RBFOX1: variants seen among roughly 807,000 people sequenced by gnomAD.
RBFOX1 encodes the protein RNA binding protein fox-1 homolog 1.
Under a neutral mutation model 57.7 loss-of-function variants are expected in RBFOX1, and 8 were observed. That is an observed-to-expected ratio of 0.14 (90% CI 0.08 to 0.25). The LOEUF is 0.25. Ranked by LOEUF, RBFOX1 falls within the 10% of genes least tolerant of loss-of-function variation. RBFOX1 has a pLI of 1.00. For missense variants in RBFOX1, 611 were observed against 548.5 expected, an observed-to-expected ratio of 1.11 and a Z score of -1.14; for synonymous variants, 326 against 222.4, an observed-to-expected ratio of 1.47 and a Z score of -4.15.
At chr16:5,313,821 T>TA (rs1287254200) in intron 1 of RBFOX1, among the ~76,000 whole-genome samples, 8 of 151,298 alleles carry the variant, frequency 5.3e-5, no homozygotes, top group African/African-American at 1.9e-4. Flanking sequence ...TGGTGGGAAT[T>TA]ACAATCAAAG....
At chr16:5,818,774 T>C (rs1261925543) in intron 3 of RBFOX1, among the ~76,000 whole-genome samples, 1 of 152,130 alleles carries the variant, frequency 6.6e-6, no homozygotes, top group African/African-American at 2.4e-5. Context: ...AGCTAATGTC[T>C]CCCCTGAGCA....
At chr16:7,094,601 C>T (rs1044695508) in intron 4 of RBFOX1, among the ~76,000 whole-genome samples, 1 of 149,380 alleles carries the variant, frequency 6.7e-6, no homozygotes, top group African/African-American at 2.5e-5. Context: ...GTTCCCTTGA[C>T]TTGGGGACTC....
At chr16:6,484,125 A>G (rs1037699265) in intron 2 of RBFOX1, among the ~76,000 whole-genome samples, 2 of 152,154 alleles carry the variant, frequency 1.3e-5, no homozygotes, top group Non-Finnish European at 2.9e-5. Flanking sequence ...GTTTAACTTT[A>G]TTCCCAGAGA....
intron 3 of RBFOX1, among the ~76,000 whole-genome samples, chr16:5,818,441 C>G (rs762629543): frequency 6.6e-6 from 1 of 152,184 alleles, no homozygotes; most frequent in Non-Finnish European, 1.5e-5. Flanking sequence ...GAACAGAGAG[C>G]TCTGCCTTTC....
At chr16:6,265,362 A>C (rs1426761250) in intron 1 of RBFOX1, among the ~76,000 whole-genome samples, 3 of 152,024 alleles carry the variant, frequency 2.0e-5, no homozygotes, top group Non-Finnish European at 4.4e-5. Flanking sequence ...CCCAAGTTCA[A>C]GTGATTCTCC....
chr16:7,346,227 T>C (rs566543988), intron 4 of RBFOX1, among the ~76,000 whole-genome samples: 46 of 152,158 alleles, frequency 3.0e-4, no homozygotes, highest in Middle Eastern at 3.4e-3. Context: ...CAGTCTGTCA[T>C]TGATGGACAT....
At chr16:6,525,850 G>C (rs955284209) in intron 2 of RBFOX1, among the ~76,000 whole-genome samples, 1 of 152,024 alleles carries the variant, frequency 6.6e-6, no homozygotes, top group African/African-American at 2.4e-5. Context: ...TCACAACTAA[G>C]TTTGAACACA....
chr16:6,225,491 T>G (rs998360408), intron 1 of RBFOX1, among the ~76,000 whole-genome samples: 1 of 152,154 alleles, frequency 6.6e-6, no homozygotes, highest in African/African-American at 2.4e-5. Context: ...TGTAAGAGAT[T>G]TTTATATTAG....
At chr16:6,304,677 G>A (rs1314685050) in intron 1 of RBFOX1, among the ~76,000 whole-genome samples, 8 of 152,000 alleles carry the variant, frequency 5.3e-5, no homozygotes, top group Non-Finnish European at 1.2e-4. Context: ...GATGCCAGGA[G>A]TTCAAGACCA....
At chr16:6,275,310 CA>C (rs35445600) in intron 1 of RBFOX1, among the ~76,000 whole-genome samples, 142,499 of 147,910 alleles carry the variant, frequency 0.96, 68,814 homozygotes, top group East Asian at 1. Context: ...GACTCCATCT[CA>C]AAAAAAAAAA....
intron 4 of RBFOX1, among the ~76,000 whole-genome samples, chr16:5,922,381 G>A (rs868655497): frequency 6.6e-5 from 10 of 152,180 alleles, no homozygotes; most frequent in Non-Finnish European, 1.0e-4. Context: ...AAGGGAAGAA[G>A]AAAAAGGGAC....
chr16:7,351,482 A>T (rs956914073), intron 4 of RBFOX1, among the ~76,000 whole-genome samples: 19 of 152,230 alleles, frequency 1.2e-4, no homozygotes, highest in African/African-American at 4.1e-4. Flanking sequence ...AAAACAAAGA[A>T]TAACTACCAT....
At chr16:6,972,197 CT>C (rs1409772062) in intron 3 of RBFOX1, among the ~76,000 whole-genome samples, 1 of 116,636 alleles carries the variant, frequency 8.6e-6, no homozygotes, top group Non-Finnish European at 1.9e-5. Flanking sequence ...ATCACGAAAG[CT>C]TTTTCATCCT....
rs59413133 is a variant in RBFOX1 at position 7,417,376 on chromosome 16, G to GA, written c.28-100757dup. 4.8e-4 allele frequency among the ~76,000 whole-genome samples: 64 copies of GA among 134,652 alleles called. 1 individual carries two copies. Among genetic ancestry groups the GA allele is most frequent in the Non-Finnish European group, 5.8e-4 (37 of 63,534 alleles). The allele number at this position is 134,652 out of a possible 152,430, so 88.3% of individuals were successfully genotyped here. On this transcript the variant is annotated intron_variant, in intron 4 of 15. Coordinates refer to ENST00000550418, the MANE Select transcript of RBFOX1 (RefSeq NM_018723.4). ...CAACAGAGCGAGACTCTGTGTCAAAGAAAAAAAAAAAAAAGAGATGACCCC... is the reference window on the plus strand; with the variant it reads ...CAACAGAGCGAGACTCTGTGTCAAAGAAAAAAAAAAAAAAAGAGATGACCCC...
chr16:6,247,789 C>T (rs901466457), intron 1 of RBFOX1, among the ~76,000 whole-genome samples: 2 of 152,168 alleles, frequency 1.3e-5, no homozygotes, highest in African/African-American at 2.4e-5. Flanking sequence ...AGAGTGAGTG[C>T]GTGCGAGAGA....
intron 3 of RBFOX1, among the ~76,000 whole-genome samples, chr16:5,619,730 C>T (rs1245473200): frequency 6.6e-6 from 1 of 152,212 alleles, no homozygotes; most frequent in South Asian, 2.1e-4. Context: ...TGCTGCCTGA[C>T]CCATGGTGAG....
chr16:5,246,507 T>C (rs2062303911), intron 1 of RBFOX1, among the ~76,000 whole-genome samples: 2 of 152,166 alleles, frequency 1.3e-5, no homozygotes, highest in Non-Finnish European at 2.9e-5. Context: ...AAGTGTATGA[T>C]ATGTTGTTAT....
chr16:7,369,652 T>G (rs759691228), intron 4 of RBFOX1, among the ~76,000 whole-genome samples: 1 of 152,212 alleles, frequency 6.6e-6, no homozygotes, highest in Non-Finnish European at 1.5e-5. Flanking sequence ...AACAATTGTT[T>G]GAAGTGAGAC....
In RBFOX1 at chr16:5,512,796, T is replaced by C. The variant is rs188068215; in HGVS notation, c.258+45542T>C. Among the ~76,000 whole-genome samples the C allele has an allele frequency of 2.2e-3, 338 of 152,368 alleles. 2 individuals carry two copies. The highest frequency in any genetic ancestry group is 3.1e-3 in the Admixed American group (48 of 15,308). ...TTGTTATTACCTAAAGTCCACACTT[T>C]ATTAGGATTCCTTTAGTTCTTGCCT... On this transcript the variant is annotated intron_variant, in intron 2 of 2. Coordinates refer to the RBFOX1 transcript ENST00000585867.
Sources: gnomAD v4.1 joint callset for allele counts (sites outside exome capture counted in the v4.1 genomes callset) on GRCh38, gnomAD v4.1.1 for gene constraint, MANE v1.5 for transcripts, NCBI Gene and HGNC (gene_info 2026-07-23, HGNC 2026-07-21) for gene names.